The following DYNC2H1 variants were observed in gnomAD, a reference collection of about 807,000 sequenced individuals.
The protein encoded by DYNC2H1 is cytoplasmic dynein 2 heavy chain 1.
Under a neutral mutation model 570.0 loss-of-function variants are expected in DYNC2H1, and 410 were observed. That is an observed-to-expected ratio of 0.72 (90% confidence interval 0.66 to 0.78). DYNC2H1 has a LOEUF of 0.78. Ranked by LOEUF, DYNC2H1 falls within the 30% of genes least tolerant of loss-of-function variation. The probability of loss-of-function intolerance (pLI) is 0.00; values close to 1 mark genes in which losing one functional copy is unlikely to be tolerated. For missense variants in DYNC2H1, 4,865 were observed against 5,046.4 expected, an observed-to-expected ratio of 0.96 and a Z score of 1.09; for synonymous variants, 1,688 against 1,677.6, an observed-to-expected ratio of 1.01 and a Z score of -0.15.
intron 6 of DYNC2H1, among the ~76,000 whole-genome samples, chr11:103,119,284 A>G (rs1404212751): frequency 6.6e-6 from 1 of 152,112 alleles, no homozygotes; most frequent in Non-Finnish European, 1.5e-5. Flanking sequence ...GTTTTTGGGC[A>G]GAGAGTGCCC....
intron 88 of DYNC2H1, among the ~76,000 whole-genome samples, chr11:103,470,349 A>G (rs934698889): frequency 6.6e-6 from 1 of 152,218 alleles, no homozygotes; most frequent in Admixed American, 6.5e-5. Context: ...AGCTCATATA[A>G]AGAGAGGTAA....
At chr11:103,396,332 G>T (rs1942393478) in intron 83 of DYNC2H1, among the ~76,000 whole-genome samples, 1 of 152,134 alleles carries the variant, frequency 6.6e-6, no homozygotes, top group African/African-American at 2.4e-5. Context: ...TGTAAATACA[G>T]TTCTATTAAA....
In DYNC2H1 at chr11:103,283,045, G is replaced by T; in HGVS notation, c.10850G>T (p.Trp3617Leu). The change falls in exon 73 of 89, where the codon TGG (tryptophan) becomes TTG (leucine). Residue 3617 changes from tryptophan (W) to leucine (L), a missense_variant. Around this residue, in one of 5 missense-constraint regions of DYNC2H1, gnomAD observed 2,401 missense variants for 2,454.6 expected, o/e 0.98. Transcript: ENST00000375735. ...QQKIRDQLPS[W>L]IDQERSWAVA... ...AAAATACGTGATCAGCTTCCGTCTT[G>T]GATAGATCAGGAACGAAGCTGGGCC... 1 of 1,608,330 alleles carries T rather than the reference G, an allele frequency of 6.2e-7. No homozygotes were observed. Among genetic ancestry groups the T allele is most frequent in the South Asian group, 1.1e-5 (1 of 89,736 alleles).
chr11:103,419,300 T>C (rs1395824406), intron 84 of DYNC2H1, among the ~76,000 whole-genome samples: 1 of 152,170 alleles, frequency 6.6e-6, no homozygotes. Flanking sequence ...ACTGATTCTT[T>C]AAGTGGTTCC....
At chr11:103,184,086 T>G (rs1451635453) in intron 40 of DYNC2H1, among the ~76,000 whole-genome samples, 1 of 151,960 alleles carries the variant, frequency 6.6e-6, no homozygotes, top group East Asian at 1.9e-4. Context: ...AGCAGATAGA[T>G]CTCATCCTTC....
intron 17 of DYNC2H1, among the ~76,000 whole-genome samples, chr11:103,137,495 A>G (rs1405853891): frequency 1.3e-5 from 2 of 152,104 alleles, no homozygotes; most frequent in African/African-American, 2.4e-5. Context: ...TCCTTTCCCC[A>G]TTGCTTGTTT....
At chr11:103,316,673 G>A (rs1294630797) in intron 80 of DYNC2H1, 53 bp downstream of exon 80, 2 of 1,318,162 alleles carry the variant, frequency 1.5e-6, no homozygotes, top group Non-Finnish European at 2.0e-6. Flanking sequence ...TTTATCTGAG[G>A]TCTTATTAAC....
rs1940762674 is a variant in DYNC2H1 at position 103,363,630 on chromosome 11, AT to A, written c.12156+5273del. 2.0e-5 allele frequency among the ~76,000 whole-genome samples: 3 copies of A among 152,232 alleles called. No individual in the cohort carries two copies. Among genetic ancestry groups the A allele is most frequent in the Non-Finnish European group, 4.4e-5 (3 of 68,036 alleles). Reference sequence around the variant, plus strand: ...TTTTAGAATTTTCCTGTTAGGGATCATTAGGAAAAACTACCATCATGTTGAA... The same window carrying A: ...TTTTAGAATTTTCCTGTTAGGGATCATAGGAAAAACTACCATCATGTTGAA... On this transcript the variant is annotated intron_variant, in intron 83 of 88. Transcript: ENST00000375735. This position sits in a 1 kb window ranked among gnomAD's most constrained non-coding sequence, Gnocchi z 5.6.
Position 103,249,164 on chromosome 11 carries a change from A to G in DYNC2H1, c.10042+3790A>G, listed in dbSNP as rs994285191. ...AGTTCTACATTTGATATTTTCTATG[A>G]ATAAGAGATGAGACAACACTGAAGA... On this transcript the variant is annotated intron_variant, in intron 65 of 88. Coordinates refer to ENST00000375735, the MANE Select transcript of DYNC2H1 (RefSeq NM_001377.3). The surrounding 1 kb of genome is among the most constrained non-coding windows in gnomAD (Gnocchi z 4.6). Among the ~76,000 whole-genome samples, 43 of 151,990 alleles carry G rather than the reference A, an allele frequency of 2.8e-4. No homozygotes were observed. The highest frequency in any genetic ancestry group is 3.9e-4 in the Admixed American group (6 of 15,208).
intron 83 of DYNC2H1, among the ~76,000 whole-genome samples, chr11:103,364,800 C>A (rs1483591866): frequency 6.6e-6 from 1 of 152,126 alleles, no homozygotes; most frequent in African/African-American, 2.4e-5. Flanking sequence ...ACAGTCTCCA[C>A]AGAGCCAGCT....
intron 17 of DYNC2H1, among the ~76,000 whole-genome samples, chr11:103,140,825 G>A (rs1200412488): frequency 2.6e-5 from 4 of 152,102 alleles, no homozygotes; most frequent in African/African-American, 4.8e-5. Flanking sequence ...CATTCTCCCC[G>A]TCACTTTCAG....
chr11:103,121,948 C>G (rs1000249184), intron 10 of DYNC2H1, among the ~76,000 whole-genome samples: 1 of 150,756 alleles, frequency 6.6e-6, no homozygotes, highest in Non-Finnish European at 1.5e-5. Flanking sequence ...GAGATGCTAT[C>G]TCAAAAAAAA....
intron 20 of DYNC2H1, 79 bp downstream of exon 20, chr11:103,148,696 T>C (rs1423086758): frequency 2.1e-6 from 3 of 1,449,304 alleles, no homozygotes; most frequent in Non-Finnish European, 2.8e-6. Flanking sequence ...TTTATGTCAT[T>C]ATTTACAAAT....
rs181455252 is a variant in DYNC2H1 at position 103,454,963 on chromosome 11, C to T, written c.12457-223C>T. On this transcript the variant is annotated intron_variant, in intron 85 of 88. Transcript: ENST00000375735. ...CTTTTTATTTTGAGCAGATTTTTAC[C>T]AACAAACAATTGTGCAAGGAATCGT... is the stretch of plus-strand genomic sequence containing the variant. The T allele has an allele frequency of 1.8e-3, 802 of 440,382 alleles. 7 individuals are homozygous for T. Among genetic ancestry groups the T allele is most frequent in the Non-Finnish European group, 3.4e-4 (84 of 249,264 alleles). 27.3% of individuals were successfully genotyped at this position (440,382 alleles called of 1,614,324 possible).
At chr11:103,136,802 C>T (rs1000705698) in intron 17 of DYNC2H1, among the ~76,000 whole-genome samples, 2 of 152,332 alleles carry the variant, frequency 1.3e-5, no homozygotes, top group African/African-American at 4.8e-5. Flanking sequence ...AATAGCCACA[C>T]TGACTTCCAC....
intron 81 of DYNC2H1, among the ~76,000 whole-genome samples, chr11:103,323,219 T>G (rs313392): frequency 0.29 from 44,246 of 152,060 alleles, 7,422 homozygotes; most frequent in Non-Finnish European, 0.37. Context: ...TGCCTGCACT[T>G]AGTTTTTGAT....
In DYNC2H1 at chr11:103,255,415, C is replaced by G; in HGVS notation, c.10207C>G (p.Leu3403Val). 6.4e-7 allele frequency: 1 copy of G among 1,554,526 alleles called. No homozygotes were observed. Among genetic ancestry groups the G allele is most frequent in the East Asian group, 2.4e-5 (1 of 41,812 alleles). The part of the protein sequence containing the change: ...TTTRSGLRGQ[L>V]LALTIQHEKP... ...TACCTTGTCTTTTTGTTATCCCAAG[C>G]TTTTAGCTTTAACCATTCAGCATGA... Residue 3403 changes from leucine (L) to valine (V), a missense_variant and splice_region_variant, in exon 67 of 89, where the codon CTT becomes GTT. This residue lies in a region of DYNC2H1 where 2,401 missense variants were observed against 2,454.6 expected (regional missense o/e 0.98). Transcript: ENST00000375735.
intron 82 of DYNC2H1, among the ~76,000 whole-genome samples, chr11:103,354,807 CT>C (rs10718561): frequency 0.54 from 76,576 of 141,010 alleles, 21,988 homozygotes; most frequent in Admixed American, 0.66. Flanking sequence ...CTTGTAAGAT[CT>C]TTTTTTTTTT....
intron 65 of DYNC2H1, among the ~76,000 whole-genome samples, chr11:103,247,268 G>C (rs1864654271): frequency 6.6e-6 from 1 of 152,020 alleles, no homozygotes; most frequent in Non-Finnish European, 1.5e-5. Flanking sequence ...AATTATACTA[G>C]AGATGACAGC....
Sources: gnomAD v4.1 joint callset for allele counts (sites outside exome capture counted in the v4.1 genomes callset) on GRCh38, gnomAD v4.1.1 for gene constraint, gnomAD v4.1.1 regional missense constraint, Gnocchi (gnomAD v3.1) non-coding constraint, MANE v1.5 for transcripts, NCBI Gene and HGNC (gene_info 2026-07-23, HGNC 2026-07-21) for gene names.